The following BICD1 variants were observed in gnomAD, a reference collection of about 807,000 sequenced individuals.
BICD1 encodes BICD cargo adaptor 1, also known as protein bicaudal D homolog 1.
BICD1 carries 35 observed loss-of-function variants against 92.5 expected under a neutral mutation model. The observed-to-expected ratio is 0.38, with a 90% confidence interval of 0.29 to 0.50. The LOEUF (loss-of-function observed/expected upper bound fraction) is 0.50, where lower values mean the gene tolerates loss of function less well. Among genes scored for constraint, BICD1 ranks in the 20% least tolerant of loss-of-function variants. The pLI, the probability that BICD1 is intolerant of heterozygous loss-of-function variation, is 0.93. For synonymous variants in BICD1, 429 were observed against 465.1 expected (o/e 0.92, Z 1.00); for missense variants, 950 against 1,189.8 (o/e 0.80, Z 2.97).
intron 1 of BICD1, among the ~76,000 whole-genome samples, chr12:32,190,672 C>A (rs1944539780): frequency 6.6e-6 from 1 of 152,220 alleles, no homozygotes; most frequent in Non-Finnish European, 1.5e-5. Context: ...GTACCCCTTT[C>A]AACAGTGGGT....
At chr12:32,230,840 G>T (rs760246496) in intron 2 of BICD1, among the ~76,000 whole-genome samples, 10,878 of 151,410 alleles carry the variant, frequency 0.072, 854 homozygotes, top group East Asian at 0.38. Context: ...TCAGGTTTCT[G>T]TTAAAGGAAG....
intron 2 of BICD1, among the ~76,000 whole-genome samples, chr12:32,273,177 G>A (rs943524038): frequency 3.3e-5 from 5 of 152,176 alleles, no homozygotes; most frequent in Non-Finnish European, 7.3e-5. Context: ...CGTAAGGGAG[G>A]CAGGACCTTG....
intron 2 of BICD1, among the ~76,000 whole-genome samples, chr12:32,271,432 A>G (rs1460693027): frequency 1.3e-5 from 2 of 152,162 alleles, no homozygotes; most frequent in African/African-American, 4.8e-5. Flanking sequence ...GACCTTAATT[A>G]CTGACCTTTT....
chr12:32,279,027 T>G (rs775407080), intron 2 of BICD1, among the ~76,000 whole-genome samples: 3 of 152,154 alleles, frequency 2.0e-5, no homozygotes, highest in Non-Finnish European at 4.4e-5. Context: ...TGGAATAGAT[T>G]TTGTGCTGCA....
chr12:32,263,638 G>A (rs77803131), intron 2 of BICD1, among the ~76,000 whole-genome samples: 7,138 of 152,016 alleles, frequency 0.047, 228 homozygotes, highest in Middle Eastern at 0.11. Context: ...ATAATTATTT[G>A]CAACACATCA....
At chr12:32,138,989 C>T (rs1475216751) in intron 1 of BICD1, among the ~76,000 whole-genome samples, 1 of 152,106 alleles carries the variant, frequency 6.6e-6, no homozygotes, top group African/African-American at 2.4e-5. Flanking sequence ...TTATATCCTT[C>T]AAAGTGACCA....
chr12:32,247,657 C>T (rs928290874), intron 2 of BICD1, among the ~76,000 whole-genome samples: 6 of 151,836 alleles, frequency 4.0e-5, no homozygotes, highest in Admixed American at 2.6e-4. Context: ...TGCACACTCA[C>T]TTCACTCTAG....
At chr12:32,317,394 C>T (rs1265739507) in intron 4 of BICD1, among the ~76,000 whole-genome samples, 1 of 152,172 alleles carries the variant, frequency 6.6e-6, no homozygotes, top group Non-Finnish European at 1.5e-5. Flanking sequence ...TTAATGATCG[C>T]CATTCTAACT....
intron 1 of BICD1, among the ~76,000 whole-genome samples, chr12:32,204,983 G>A (rs969039647): frequency 7.9e-5 from 12 of 152,332 alleles, no homozygotes; most frequent in African/African-American, 2.9e-4. Flanking sequence ...TATGGAAGAG[G>A]AAATAAGGGT....
intron 1 of BICD1, among the ~76,000 whole-genome samples, chr12:32,203,981 A>G (rs567289391): frequency 2.0e-5 from 3 of 152,342 alleles, no homozygotes; most frequent in South Asian, 2.1e-4. Context: ...CATACATGTA[A>G]CTGACAAATT....
intron 2 of BICD1, among the ~76,000 whole-genome samples, chr12:32,227,067 G>C (rs1476109369): frequency 6.6e-6 from 1 of 152,218 alleles, no homozygotes; most frequent in Non-Finnish European, 1.5e-5. Flanking sequence ...GAGCTGGATG[G>C]ACTGTGAAGG....
Position 32,107,594 on chromosome 12 carries a change from G to C in BICD1, c.213+50G>C, listed in dbSNP as rs1036801681. 5.9e-6 allele frequency: 9 copies of C among 1,518,296 alleles called. No homozygotes were observed. In the African/African-American group the frequency reaches 1.2e-4, roughly 21 times the overall value. 94.1% of individuals were successfully genotyped at this position (1,518,296 alleles called of 1,614,324 possible). ...TTCCTGGCCCTCACTCCCCCCACCC[G>C]CAAGGCCCACTCATCATGATCAAGA... On this transcript the variant is annotated intron_variant, in intron 1 of 9. Coordinates refer to ENST00000652176, the MANE Select transcript of BICD1 (RefSeq NM_001714.4).
At chr12:32,289,186 T>C (rs1422737624) in intron 2 of BICD1, among the ~76,000 whole-genome samples, 1 of 152,182 alleles carries the variant, frequency 6.6e-6, no homozygotes, top group South Asian at 2.1e-4. Flanking sequence ...GTGACTTCTT[T>C]GAAAGCTTCT....
At chr12:32,210,228 A>G (rs1945175554) in intron 1 of BICD1, among the ~76,000 whole-genome samples, 1 of 152,180 alleles carries the variant, frequency 6.6e-6, no homozygotes, top group Non-Finnish European at 1.5e-5. Flanking sequence ...ATGAACAACA[A>G]ATGAATGAAT....
At chr12:32,321,520 A>G (rs1376190425) in intron 4 of BICD1, among the ~76,000 whole-genome samples, 2 of 152,182 alleles carry the variant, frequency 1.3e-5, no homozygotes, top group South Asian at 2.1e-4. Context: ...CCAGACAGAA[A>G]ATGAAGATTG....
intron 2 of BICD1, among the ~76,000 whole-genome samples, chr12:32,267,176 T>A (rs1456844900): frequency 6.6e-6 from 1 of 152,236 alleles, no homozygotes; most frequent in Non-Finnish European, 1.5e-5. Flanking sequence ...CTGATACTAC[T>A]ATGTGTCTAT....
At chr12:32,143,403 A>G (rs1000720659) in intron 1 of BICD1, among the ~76,000 whole-genome samples, 1 of 152,270 alleles carries the variant, frequency 6.6e-6, no homozygotes, top group East Asian at 1.9e-4. Context: ...TGAACTTTAC[A>G]TGAATGGAAT....
chr12:32,304,432 G>T lies in BICD1; in HGVS notation c.580-1265G>T, dbSNP rs567097797. Among the ~76,000 whole-genome samples, 4 of 152,004 alleles carry T rather than the reference G, an allele frequency of 2.6e-5. No individual in the cohort carries two copies. In the East Asian group the frequency reaches 7.7e-4, roughly 29 times the overall value. ...TTCATTCTCCATAGTTCTTTATTCA[G>T]CAAATGCACATTGAACAGCAGAATT... On this transcript the variant is annotated intron_variant, in intron 3 of 9. Transcript: ENST00000652176.
intron 2 of BICD1, among the ~76,000 whole-genome samples, chr12:32,277,228 T>C (rs943133998): frequency 6.6e-6 from 1 of 152,102 alleles, no homozygotes; most frequent in African/African-American, 2.4e-5. Context: ...ACCCCATGTC[T>C]ACTAAAAATA....
Sources: allele counts gnomAD v4.1 joint callset (sites outside exome capture counted in the v4.1 genomes callset), GRCh38; gene constraint gnomAD v4.1.1; transcripts MANE v1.5; gene names NCBI Gene and HGNC (gene_info 2026-07-23, HGNC 2026-07-21).